Variants in RFC1 observed in about 807,000 individuals in gnomAD.
RFC1 encodes replication factor C subunit 1.
In RFC1, 37 loss-of-function variants were observed where a neutral mutation model predicts 137.4. That is an observed-to-expected ratio of 0.27 (90% CI 0.21 to 0.35). RFC1 has a LOEUF of 0.35. Among genes scored for constraint, RFC1 ranks in the 10% least tolerant of loss-of-function variants. RFC1 has a pLI of 1.00. For missense variants in RFC1, 1,205 were observed against 1,358.5 expected (o/e 0.89, Z 1.78); for synonymous variants, 429 against 455.7 (o/e 0.94, Z 0.75).
At chr4:39,328,078 A>G (rs1560608561) in intron 4 of RFC1, among the ~76,000 whole-genome samples, 1 of 152,198 alleles carries the variant, frequency 6.6e-6, no homozygotes, top group Non-Finnish European at 1.5e-5. Context: ...GGCTGCAGTT[A>G]GCTGTGATTG....
chr4:39,342,113 T>C (rs762338792), intron 4 of RFC1, among the ~76,000 whole-genome samples: 6 of 152,330 alleles, frequency 3.9e-5, no homozygotes, highest in Admixed American at 6.5e-5. Context: ...CTTCAACTTA[T>C]ATGATTCAAT....
rs551659628 is a variant in RFC1 at position 39,310,427 on chromosome 4, G to A, written c.1488+1018C>T. 7.2e-5 allele frequency among the ~76,000 whole-genome samples: 11 copies of A among 152,234 alleles called. 1 individual carries two copies. Among genetic ancestry groups the A allele is most frequent in the East Asian group, 1.9e-4 (1 of 5,186 alleles). The stretch of plus-strand genomic sequence containing the variant: ...ATAACTATGCTATGGTTATGTAATC[G>A]AAATCATTCCCTAGATTTCTCTAAC... On this transcript the variant is annotated intron_variant, in intron 12 of 24. Transcript: ENST00000349703.
chr4:39,296,700 C>G lies in RFC1; in HGVS notation c.2809-941G>C, dbSNP rs904621064. ...CAAGTCTTTGCTATTGTGAATAATG[C>G]TGCAATAAACATACATGTGCATGTG... On this transcript the variant is annotated intron_variant, in intron 21 of 24. Coordinates refer to ENST00000349703, the MANE Select transcript of RFC1 (RefSeq NM_002913.5). Among the ~76,000 whole-genome samples, 34 of 151,440 alleles carry G rather than the reference C, an allele frequency of 2.2e-4. 1 individual carries two copies. In the East Asian group the frequency reaches 6.6e-3, roughly 29 times the overall value.
At chr4:39,313,506 C>G (rs956876626) in intron 10 of RFC1, among the ~76,000 whole-genome samples, 1 of 152,172 alleles carries the variant, frequency 6.6e-6, no homozygotes, top group African/African-American at 2.4e-5. Context: ...CCAATCCCTG[C>G]CCGCAAGAGC....
At chr4:39,304,610 C>CACATTCTTAGAAACCTCTAAG (rs1372648759) in intron 15 of RFC1, among the ~76,000 whole-genome samples, 1 of 152,110 alleles carries the variant, frequency 6.6e-6, no homozygotes, top group African/African-American at 2.4e-5. Flanking sequence ...ACATTTTTAT[C>CACATTCTTAGAAACCTCTAAG]ACATTCTTAG....
chr4:39,323,003 T>A (rs2109674544), intron 7 of RFC1, among the ~76,000 whole-genome samples: 1 of 152,232 alleles, frequency 6.6e-6, no homozygotes. Flanking sequence ...GAGGATCACT[T>A]GAGCTCAGGA....
intron 16 of RFC1, 60 bp from the exon 17 acceptor site, chr4:39,302,934 G>A: frequency 5.3e-6 from 8 of 1,521,814 alleles, no homozygotes; most frequent in Non-Finnish European, 7.2e-6. Flanking sequence ...TACCACACAA[G>A]CTATTTTAGG....
At chr4:39,346,893 C>T (rs952236814) in intron 2 of RFC1, among the ~76,000 whole-genome samples, 1 of 152,158 alleles carries the variant, frequency 6.6e-6, no homozygotes, top group Non-Finnish European at 1.5e-5. Flanking sequence ...GGAACAACTC[C>T]TATAGCTTAG....
chr4:39,303,614 C>A (rs1738485716), intron 15 of RFC1, among the ~76,000 whole-genome samples: 1 of 152,186 alleles, frequency 6.6e-6, no homozygotes, highest in Non-Finnish European at 1.5e-5. Context: ...CCACCACACC[C>A]AGCTAATTTT....
At position 39,332,645 on chromosome 4, in the gene RFC1, T is replaced by C. The variant is rs899873773; in HGVS notation, c.332-4889A>G. Among the ~76,000 whole-genome samples, 21 of 152,216 alleles carry C rather than the reference T, an allele frequency of 1.4e-4. No individual in the cohort carries two copies. The East Asian group carries it at 3.1e-3, about 22-fold the overall frequency. On this transcript the variant is annotated intron_variant, in intron 4 of 24. Transcript: ENST00000349703. ...TTTTCCTTATATTAAGTCAAAATACTTCCCTGTGAATTCCACCTACTTTCC... is the reference window on the plus strand; with the variant it reads ...TTTTCCTTATATTAAGTCAAAATACCTCCCTGTGAATTCCACCTACTTTCC...
Position 39,288,561 on chromosome 4 carries a change from C to A in RFC1, c.*200G>T. The A allele has an allele frequency of 2.0e-6, 1 of 506,598 alleles. No homozygotes were observed. The highest frequency in any genetic ancestry group is 3.5e-6 in the Non-Finnish European group (1 of 283,414). 31.4% of individuals were successfully genotyped at this position (506,598 alleles called of 1,614,324 possible). On this transcript the variant is annotated 3_prime_UTR_variant, in exon 25 of 25. Transcript: ENST00000349703. ...AGGACAGTGGAGGACCCAAGCAGTCCTATCAACCTCTATAAGAGGTGTACA... is the reference window on the plus strand; with the variant it reads ...AGGACAGTGGAGGACCCAAGCAGTCATATCAACCTCTATAAGAGGTGTACA...
chr4:39,329,055 G>A (rs539322542), intron 4 of RFC1, among the ~76,000 whole-genome samples: 4 of 123,844 alleles, frequency 3.2e-5, no homozygotes, highest in Admixed American at 2.0e-4. Flanking sequence ...TCATGACAAC[G>A]TTTAGATAAT....
At chr4:39,293,429 G>C (rs933701486) in intron 22 of RFC1, among the ~76,000 whole-genome samples, 2 of 152,040 alleles carry the variant, frequency 1.3e-5, no homozygotes, top group Admixed American at 6.6e-5. Flanking sequence ...ATTGTCAGGG[G>C]AATAAAAATC....
At position 39,366,300 on chromosome 4, in the gene RFC1, TA is replaced by T. The variant is rs1742027745; in HGVS notation, c.-60del. The T allele has an allele frequency of 6.7e-7, 1 of 1,499,754 alleles. No individual in the cohort carries two copies. Among genetic ancestry groups the T allele is most frequent in the Non-Finnish European group, 8.9e-7 (1 of 1,122,582 alleles). 92.9% of individuals were successfully genotyped at this position (1,499,754 alleles called of 1,614,324 possible). ...CGGGTGGGCCGGTTGAGGAATCTGT[TA>T]TCGAGGCTCAGGATCCATTCGCGCC... On this transcript the variant is annotated 5_prime_UTR_variant, in exon 1 of 25. It removes the in-frame stop codon of an upstream open reading frame in the 5' UTR. Coordinates refer to ENST00000349703, the MANE Select transcript of RFC1 (RefSeq NM_002913.5).
At chr4:39,349,443 A>C (rs765100612) in intron 2 of RFC1, among the ~76,000 whole-genome samples, 17 of 152,112 alleles carry the variant, frequency 1.1e-4, no homozygotes, top group Non-Finnish European at 2.1e-4. Context: ...TTCAATCTCT[A>C]TCTCTCTTTC....
rs373272291 is a variant in RFC1, at chr4:39,302,614, G to T, written c.2341-19C>A. 4 of 1,543,310 alleles carry T rather than the reference G, an allele frequency of 2.6e-6. No homozygotes were observed. Among genetic ancestry groups the T allele is most frequent in the Non-Finnish European group, 2.7e-6 (3 of 1,130,580 alleles). On this transcript the variant is annotated intron_variant, in intron 17 of 24. Transcript: ENST00000349703. ...TAGCACCCTGAAATTGACAAGGGAG[G>T]AGTCCTCAATGATTTTTAACTCATA...
intron 1 of RFC1, among the ~76,000 whole-genome samples, chr4:39,355,145 AG>A (rs1483483240): frequency 7.4e-4 from 105 of 141,676 alleles, no homozygotes; most frequent in Non-Finnish European, 1.1e-3. Flanking sequence ...ACAACAGGCC[AG>A]GTGTGGTGGC....
rs935281963 is a variant in RFC1 at position 39,288,615 on chromosome 4, A to G, written c.*146T>C. ...GCCTACTGCTCATACCCTTCTAGCC[A>G]TACCACCCTTTATTTATAATGGGAC... On this transcript the variant is annotated 3_prime_UTR_variant, in exon 25 of 25. Transcript: ENST00000349703. 1.6e-6 allele frequency: 1 copy of G among 639,424 alleles called. No homozygotes were observed. 39.6% of individuals were successfully genotyped at this position (639,424 alleles called of 1,614,324 possible). A position where few individuals can be genotyped will look rare whatever the true frequency, so the allele number is the denominator to read the frequency against.
chr4:39,353,397 C>CAAAAA (rs11416030), intron 1 of RFC1, among the ~76,000 whole-genome samples: 2,184 of 61,626 alleles, frequency 0.035, 72 homozygotes, highest in South Asian at 0.1. Flanking sequence ...GAGACTGTCT[C>CAAAAA]AAAAAAAAAA....
Sources: allele counts gnomAD v4.1 joint callset (sites outside exome capture counted in the v4.1 genomes callset), GRCh38; gene constraint gnomAD v4.1.1; transcripts MANE v1.5; gene names NCBI Gene and HGNC (gene_info 2026-07-23, HGNC 2026-07-21).